PRR16: variants seen among roughly 807,000 people sequenced by gnomAD.
The protein encoded by PRR16 is protein Largen.
A neutral mutation model predicts 18.2 loss-of-function variants in PRR16; 6 were observed. That is an observed-to-expected ratio of 0.33 (90% CI 0.18 to 0.65). The LOEUF is 0.65. PRR16 is among the 30% of genes least tolerant of loss of function. The probability of loss-of-function intolerance (pLI) is 0.74; values close to 1 mark genes in which losing one functional copy is unlikely to be tolerated. For missense variants in PRR16, 412 were observed against 376.6 expected (o/e 1.09, Z -0.78); for synonymous variants, 151 against 147.8 (o/e 1.02, Z -0.16).
At chr5:120,776,417 C>G in the PRR16 span, among the ~76,000 whole-genome samples, 3 of 152,018 alleles carry the variant, frequency 2.0e-5, no homozygotes, top group African/African-American at 7.2e-5. Context: ...AGAGAAAACT[C>G]TATGGAAATT....
intron 1 of PRR16, among the ~76,000 whole-genome samples, chr5:120,548,489 A>G (rs375629713): frequency 6.6e-6 from 1 of 152,086 alleles, no homozygotes; most frequent in South Asian, 2.1e-4. Flanking sequence ...TAACTTTTTC[A>G]CTTTAGTTGA....
chr5:120,670,357 CAG>C (rs1414616308), intron 1 of PRR16, among the ~76,000 whole-genome samples: 5 of 152,024 alleles, frequency 3.3e-5, no homozygotes, highest in Admixed American at 2.0e-4. Flanking sequence ...GATTTGGCAA[CAG>C]AATGAGAGCT....
chr5:120,687,374 A>G (rs959343643), downstream of PRR16: 1 of 152,220 alleles, frequency 6.6e-6, no homozygotes, highest in African/African-American at 2.4e-5. Flanking sequence ...ATTCCTCAAT[A>G]TGGGCAGCAA....
the PRR16 span, among the ~76,000 whole-genome samples, chr5:120,725,168 G>A: frequency 1.3e-5 from 2 of 152,036 alleles, no homozygotes; most frequent in African/African-American, 4.8e-5. Flanking sequence ...GGCCAGTTAT[G>A]AGGCTTGGAG....
the PRR16 span, among the ~76,000 whole-genome samples, chr5:120,729,885 A>G: frequency 9.2e-5 from 14 of 152,106 alleles, no homozygotes; most frequent in Non-Finnish European, 1.8e-4. Flanking sequence ...CATATCAAGA[A>G]GTTAACTTTT....
intron 1 of PRR16, among the ~76,000 whole-genome samples, chr5:120,675,069 A>G (rs533990085): frequency 9.9e-5 from 15 of 152,088 alleles, no homozygotes; most frequent in Non-Finnish European, 2.1e-4. Context: ...ACATTGATCA[A>G]TTCATTCATT....
the PRR16 span, among the ~76,000 whole-genome samples, chr5:120,693,420 A>C: frequency 1.3e-5 from 2 of 152,350 alleles, no homozygotes; most frequent in South Asian, 4.1e-4. Flanking sequence ...TGAATTTCTA[A>C]GGCAATGGGA....
the PRR16 span, among the ~76,000 whole-genome samples, chr5:120,762,952 G>C: frequency 1.3e-5 from 2 of 151,988 alleles, no homozygotes; most frequent in Admixed American, 1.3e-4. Flanking sequence ...TTTGTGTGTG[G>C]TAAGATGGGT....
At chr5:120,732,118 A>G in the PRR16 span, among the ~76,000 whole-genome samples, 1 of 152,218 alleles carries the variant, frequency 6.6e-6, no homozygotes, top group South Asian at 2.1e-4. Context: ...ATTTCTTTAG[A>G]CCAAGAGACA....
intron 1 of PRR16, among the ~76,000 whole-genome samples, chr5:120,648,217 T>C (rs1426626674): frequency 6.6e-6 from 1 of 152,152 alleles, no homozygotes; most frequent in Non-Finnish European, 1.5e-5. Context: ...GATACTTTGC[T>C]GAACCTAGTT....
At chr5:120,674,157 A>C (rs888797149) in intron 1 of PRR16, among the ~76,000 whole-genome samples, 4 of 152,158 alleles carry the variant, frequency 2.6e-5, no homozygotes, top group African/African-American at 9.7e-5. Flanking sequence ...CATGTGTGGT[A>C]CTGATATGCC....
chr5:120,727,549 G>A, the PRR16 span, among the ~76,000 whole-genome samples: 2 of 152,056 alleles, frequency 1.3e-5, no homozygotes, highest in Admixed American at 6.6e-5. Flanking sequence ...AGAAAGCCAG[G>A]AGAATATTGT....
intron 1 of PRR16, among the ~76,000 whole-genome samples, chr5:120,556,289 A>G (rs762287978): frequency 1.5e-5 from 2 of 130,132 alleles, no homozygotes; most frequent in African/African-American, 3.0e-5. Flanking sequence ...TAAGCAATTT[A>G]CAAAACCATT....
chr5:120,739,495 G>C, the PRR16 span, among the ~76,000 whole-genome samples: 5 of 152,108 alleles, frequency 3.3e-5, no homozygotes, highest in Non-Finnish European at 7.4e-5. Flanking sequence ...TCTGAGCTGT[G>C]CATATAAAAA....
intron 1 of PRR16, among the ~76,000 whole-genome samples, chr5:120,477,640 T>C (rs780015560): frequency 2.0e-5 from 3 of 152,204 alleles, no homozygotes; most frequent in African/African-American, 7.2e-5. Context: ...TTAGACCACA[T>C]TACTCTTTTC....
the PRR16 span, among the ~76,000 whole-genome samples, chr5:120,741,844 G>A: frequency 6.6e-6 from 1 of 151,988 alleles, no homozygotes; most frequent in African/African-American, 2.4e-5. Context: ...CAGGTAATCC[G>A]CCTGCCGCAG....
At chr5:120,516,017 C>CT (rs2112643659) in intron 1 of PRR16, among the ~76,000 whole-genome samples, 1 of 152,278 alleles carries the variant, frequency 6.6e-6, no homozygotes, top group South Asian at 2.1e-4. Context: ...ACAATTTTCA[C>CT]TTTCCTGAAA....
intron 1 of PRR16, among the ~76,000 whole-genome samples, chr5:120,563,999 A>T (rs1752656503): frequency 1.3e-5 from 2 of 152,044 alleles, no homozygotes; most frequent in Non-Finnish European, 2.9e-5. Context: ...TCTTCTCTTC[A>T]GGGCAGTGAG....
At chr5:120,717,249 T>C in the PRR16 span, among the ~76,000 whole-genome samples, 2 of 152,212 alleles carry the variant, frequency 1.3e-5, no homozygotes, top group Non-Finnish European at 2.9e-5. Context: ...ACTTTTCACG[T>C]ATTAATAAAA....
Sources: gnomAD v4.1 joint callset for allele counts (sites outside exome capture counted in the v4.1 genomes callset) on GRCh38, gnomAD v4.1.1 for gene constraint, MANE v1.5 for transcripts, NCBI Gene and HGNC (gene_info 2026-07-23, HGNC 2026-07-21) for gene names.